ADAMTS3: variants seen among roughly 807,000 people sequenced by gnomAD.
ADAMTS3 encodes A disintegrin and metalloproteinase with thrombospondin motifs 3.
In ADAMTS3, 73 loss-of-function variants were observed where a neutral mutation model predicts 129.0. The ratio of observed to expected loss-of-function variants is 0.57; its 90% CI spans 0.47 to 0.69. The LOEUF (loss-of-function observed/expected upper bound fraction) is 0.69, where lower values mean the gene tolerates loss of function less well. ADAMTS3 is among the 30% of genes least tolerant of loss of function. The pLI is 0.00. For synonymous variants in ADAMTS3, 477 were observed against 510.8 expected, an observed-to-expected ratio of 0.93 and a Z score of 0.89; for missense variants, 1,457 against 1,514.5, an observed-to-expected ratio of 0.96 and a Z score of 0.63.
intron 6 of ADAMTS3, among the ~76,000 whole-genome samples, chr4:72,322,085 T>A (rs574936130): frequency 6.6e-6 from 1 of 152,340 alleles, no homozygotes; most frequent in African/African-American, 2.4e-5. Flanking sequence ...ATCAGTTTCC[T>A]TTTTTAATAT....
intron 3 of ADAMTS3, among the ~76,000 whole-genome samples, chr4:72,426,523 C>G (rs756408990): frequency 3.3e-5 from 5 of 152,032 alleles, no homozygotes; most frequent in Admixed American, 1.3e-4. Flanking sequence ...AAACAGCATG[C>G]TTTCTGTTAT....
At chr4:72,477,311 T>C (rs886926518) in intron 3 of ADAMTS3, among the ~76,000 whole-genome samples, 6 of 151,994 alleles carry the variant, frequency 3.9e-5, no homozygotes, top group African/African-American at 7.3e-5. Context: ...CATCAGCAAA[T>C]GTAAAAGAAC....
chr4:72,311,322 G>T, intron 13 of ADAMTS3, 141 bp from the exon 14 acceptor site: 2 of 752,500 alleles, frequency 2.7e-6, no homozygotes, highest in Non-Finnish European at 3.9e-6. Context: ...ATAAAATAAG[G>T]AGTAAGGAGG....
rs1171978912 is a variant in ADAMTS3, at chr4:72,282,392, T to C, written c.*744A>G. Reference sequence around the variant, plus strand: ...GTATAGAAGGCAATAGGTAAGCTGATATCTGTATATCTATAGCTTTTGTGT... The same window carrying C: ...GTATAGAAGGCAATAGGTAAGCTGACATCTGTATATCTATAGCTTTTGTGT... On this transcript the variant is annotated 3_prime_UTR_variant, in exon 22 of 22. Transcript: ENST00000286657. 6.6e-6 allele frequency: 1 copy of C among 152,180 alleles called. No homozygotes were observed. Among genetic ancestry groups the C allele is most frequent in the Non-Finnish European group, 1.5e-5 (1 of 68,048 alleles). 9.4% of individuals were successfully genotyped at this position (152,180 alleles called of 1,614,324 possible).
At chr4:72,453,141 AT>A (rs1251934515) in intron 3 of ADAMTS3, among the ~76,000 whole-genome samples, 5 of 151,722 alleles carry the variant, frequency 3.3e-5, no homozygotes, top group Non-Finnish European at 5.9e-5. Flanking sequence ...TATATTATAT[AT>A]TTTTTCCATT....
At chr4:72,434,247 A>C (rs1405108262) in intron 3 of ADAMTS3, among the ~76,000 whole-genome samples, 1 of 151,826 alleles carries the variant, frequency 6.6e-6, no homozygotes, top group Non-Finnish European at 1.5e-5. Flanking sequence ...AGCAATGCCA[A>C]TTTACAAATA....
intron 4 of ADAMTS3, among the ~76,000 whole-genome samples, chr4:72,358,068 G>A (rs1321234959): frequency 6.6e-6 from 1 of 151,798 alleles, no homozygotes; most frequent in Non-Finnish European, 1.5e-5. Context: ...ATCAATCCAC[G>A]AAATTTACTT....
Position 72,291,015 on chromosome 4 carries a change from G to A in ADAMTS3, c.2771C>T (p.Ser924Phe). 6.2e-7 allele frequency: 1 copy of A among 1,614,018 alleles called. No individual in the cohort carries two copies. Among genetic ancestry groups the A allele is most frequent in the Non-Finnish European group, 8.5e-7 (1 of 1,179,970 alleles). ...WEHCTKTCGSSGYQLRTVRCL... is the reference protein window; with the variant it reads ...WEHCTKTCGSFGYQLRTVRCL... ...GCGTACAGTGCGAAGCTGATAGCCA[G>A]AACTTCCACAGGTTTTGGTGCAGTG... The change falls in exon 20 of 22, where the codon TCT becomes TTT. Residue 924 changes from serine (S) to phenylalanine (F), a missense_variant. Coordinates refer to ENST00000286657, the MANE Select transcript of ADAMTS3 (RefSeq NM_014243.3).
At chr4:72,533,179 TA>T (rs1721088439) in intron 3 of ADAMTS3, among the ~76,000 whole-genome samples, 1 of 152,186 alleles carries the variant, frequency 6.6e-6, no homozygotes, top group South Asian at 2.1e-4. Flanking sequence ...ACCTATTCTA[TA>T]AGGCTTGTCT....
At chr4:72,302,599 C>T (rs6446826) in intron 17 of ADAMTS3, among the ~76,000 whole-genome samples, 29,667 of 151,894 alleles carry the variant, frequency 0.2, 3,468 homozygotes, top group East Asian at 0.47. Context: ...TAGAACACAT[C>T]ATGGGAAATT....
rs1274531237 is a variant in ADAMTS3, at chr4:72,430,119, C to A, written c.505-15148G>T. Among the ~76,000 whole-genome samples, 4 of 152,092 alleles carry A rather than the reference C, an allele frequency of 2.6e-5. No homozygotes were observed. In the East Asian group the frequency reaches 7.8e-4, roughly 30 times the overall value. On this transcript the variant is annotated intron_variant, in intron 3 of 21. Coordinates refer to ENST00000286657, the MANE Select transcript of ADAMTS3 (RefSeq NM_014243.3). ...GGCAAATTGTATTTTCCAAAGATGG[C>A]CATATTACAATTGTTCTTATCCCAC...
chr4:72,337,679 T>G (rs543986031), intron 5 of ADAMTS3, among the ~76,000 whole-genome samples: 1 of 152,320 alleles, frequency 6.6e-6, no homozygotes, highest in South Asian at 2.1e-4. Context: ...AATACTTTTA[T>G]CACTTCATGA....
intron 3 of ADAMTS3, among the ~76,000 whole-genome samples, chr4:72,530,773 T>TATA (rs10637773): frequency 0.99 from 95,982 of 97,086 alleles, 47,444 homozygotes; most frequent in Middle Eastern, 1. Flanking sequence ...ATAGATTATA[T>TATA]ATATTATATT....
intron 21 of ADAMTS3, among the ~76,000 whole-genome samples, chr4:72,286,821 G>A (rs573029578): frequency 6.1e-4 from 93 of 152,166 alleles, no homozygotes; most frequent in African/African-American, 2.1e-3. Context: ...AGATGGGGGT[G>A]GCGAGAGACT....
At chr4:72,508,550 T>C (rs551307709) in intron 3 of ADAMTS3, among the ~76,000 whole-genome samples, 2 of 152,218 alleles carry the variant, frequency 1.3e-5, no homozygotes, top group East Asian at 3.9e-4. Context: ...AGAAAAGAAT[T>C]TGAATTTTCG....
chr4:72,470,406 C>T (rs1001211247), intron 3 of ADAMTS3, among the ~76,000 whole-genome samples: 1 of 146,516 alleles, frequency 6.8e-6, no homozygotes, highest in Non-Finnish European at 1.5e-5. Context: ...CACACACACA[C>T]ATTTCATATA....
chr4:72,326,207 G>C (rs958967838), intron 5 of ADAMTS3, among the ~76,000 whole-genome samples: 32 of 151,920 alleles, frequency 2.1e-4, no homozygotes, highest in African/African-American at 7.7e-4. Context: ...CTAATACAAG[G>C]GAATAATATT....
intron 3 of ADAMTS3, among the ~76,000 whole-genome samples, chr4:72,524,854 G>T (rs578027488): frequency 5.9e-5 from 9 of 152,128 alleles, no homozygotes; most frequent in Non-Finnish European, 1.3e-4. Context: ...CTGAAGGGAA[G>T]AAGAAATAGA....
chr4:72,538,857 T>G (rs1467306736), intron 3 of ADAMTS3, among the ~76,000 whole-genome samples: 1 of 152,042 alleles, frequency 6.6e-6, no homozygotes, highest in Non-Finnish European at 1.5e-5. Context: ...AGAAATAAAT[T>G]GTTGCATATA....
Sources: gnomAD v4.1 joint callset for allele counts (sites outside exome capture counted in the v4.1 genomes callset) on GRCh38, gnomAD v4.1.1 for gene constraint, MANE v1.5 for transcripts, NCBI Gene and HGNC (gene_info 2026-07-23, HGNC 2026-07-21) for gene names.